ATL2: variants seen among roughly 807,000 people sequenced by gnomAD.
ATL2 encodes atlastin GTPase 2, also known as atlastin-2.
ATL2 carries 31 observed loss-of-function variants against 73.9 expected under a neutral mutation model. The ratio of observed to expected loss-of-function variants is 0.42; its 90% CI spans 0.32 to 0.57. The LOEUF is 0.57. Ranked by LOEUF, ATL2 falls within the 20% of genes least tolerant of loss-of-function variation. The probability of loss-of-function intolerance (pLI) is 0.14; values close to 1 mark genes in which losing one functional copy is unlikely to be tolerated. For synonymous variants in ATL2, 291 were observed against 237.5 expected (o/e 1.23, Z -2.07); for missense variants, 738 against 702.6 (o/e 1.05, Z -0.57).
intron 1 of ATL2, among the ~76,000 whole-genome samples, chr2:38,361,204 A>G (rs895018176): frequency 2.0e-5 from 3 of 151,834 alleles, no homozygotes; most frequent in African/African-American, 7.3e-5. Flanking sequence ...AATACAAAAA[A>G]TTAGCCAGGC....
chr2:38,297,604 A>G (rs1666964836), intron 12 of ATL2, among the ~76,000 whole-genome samples: 1 of 152,174 alleles, frequency 6.6e-6, no homozygotes, highest in Admixed American at 6.5e-5. Flanking sequence ...TTACTAATTA[A>G]TATTTCCAAA....
intron 1 of ATL2, among the ~76,000 whole-genome samples, chr2:38,365,165 A>AC (rs1491493833): frequency 1.1e-4 from 15 of 133,102 alleles, no homozygotes; most frequent in South Asian, 8.6e-4. Flanking sequence ...ACACACACAC[A>AC]AATACACACA....
intron 7 of ATL2, among the ~76,000 whole-genome samples, chr2:38,310,782 C>T (rs538253694): frequency 1.3e-5 from 2 of 151,948 alleles, no homozygotes; most frequent in Non-Finnish European, 2.9e-5. Context: ...GGATTACAGG[C>T]GTGCACCACC....
chr2:38,305,941 A>G (rs553589934), intron 9 of ATL2, among the ~76,000 whole-genome samples: 1 of 152,302 alleles, frequency 6.6e-6, no homozygotes, highest in Non-Finnish European at 1.5e-5. Flanking sequence ...AAACAATACA[A>G]AAGATCAATG....
In ATL2 at chr2:38,295,118, A is replaced by T. The variant is rs6987; in HGVS notation, c.*876T>A. ...CCACAAACATTCCTTTCACAGGGAC[A>T]GTACTTATTTAGCCTACCACAGGAC... On this transcript the variant is annotated 3_prime_UTR_variant, in exon 13 of 13. Transcript: ENST00000378954. 65,988 of 151,930 alleles carry T rather than the reference A, an allele frequency of 0.43. 15,847 individuals are homozygous for T. The highest frequency in any genetic ancestry group is 0.65 in the African/African-American group (26,979 of 41,414). The allele number at this position is 151,930 out of a possible 1,614,324, so 9.4% of individuals were successfully genotyped here.
At chr2:38,346,716 G>A (rs1573540688) in intron 1 of ATL2, among the ~76,000 whole-genome samples, 1 of 152,188 alleles carries the variant, frequency 6.6e-6, no homozygotes, top group African/African-American at 2.4e-5. Context: ...AGGAGGCGAA[G>A]CTCAGGCAGT....
intron 1 of ATL2, among the ~76,000 whole-genome samples, chr2:38,350,937 GATA>G (rs1670301488): frequency 1.3e-5 from 2 of 152,066 alleles, no homozygotes; most frequent in South Asian, 2.1e-4. Context: ...TATAAACTAA[GATA>G]ATAAAAAAGT....
At chr2:38,326,745 G>C (rs1007640333) in intron 2 of ATL2, among the ~76,000 whole-genome samples, 1 of 151,946 alleles carries the variant, frequency 6.6e-6, no homozygotes, top group Non-Finnish European at 1.5e-5. Context: ...CCCAGCACTC[G>C]GGGAGGCCGA....
chr2:38,339,571 A>T (rs2148477905), intron 2 of ATL2, among the ~76,000 whole-genome samples: 1 of 152,298 alleles, frequency 6.6e-6, no homozygotes, highest in South Asian at 2.1e-4. Context: ...GTTAAAAATG[A>T]AAAAAACACT....
At position 38,297,585 on chromosome 2, in the gene ATL2, C is replaced by T. The variant is rs935390271; in HGVS notation, c.1632+559G>A. On this transcript the variant is annotated intron_variant, in intron 12 of 12. Transcript: ENST00000378954. ...ACGGAGCATGGTTCTCTGTTCATGG[C>T]GCTTTGCTTTACTAATTAATATTTC... Among the ~76,000 whole-genome samples the T allele has an allele frequency of 5.3e-5, 8 of 152,158 alleles. No homozygotes were observed. The South Asian group carries it at 1.5e-3, about 28-fold the overall frequency.
At chr2:38,325,307 C>T (rs1032428421) in intron 2 of ATL2, among the ~76,000 whole-genome samples, 2 of 152,236 alleles carry the variant, frequency 1.3e-5, no homozygotes, top group Admixed American at 1.3e-4. Flanking sequence ...CCTGCAAAAT[C>T]ACAAGAGACA....
chr2:38,364,263 A>AAAAATAAAAT (rs371153008), intron 1 of ATL2, among the ~76,000 whole-genome samples: 3 of 151,666 alleles, frequency 2.0e-5, no homozygotes, highest in African/African-American at 7.3e-5. Context: ...CTCCATCTCA[A>AAAAATAAAAT]AAAATAAAAT....
chr2:38,377,666 C>T (rs1378968268), upstream of ATL2, among the ~76,000 whole-genome samples: 1 of 152,180 alleles, frequency 6.6e-6, no homozygotes, highest in Non-Finnish European at 1.5e-5. Context: ...ATTCGCTTTA[C>T]ATCTCTAATC....
rs1667855846 is a variant in ATL2 at position 38,313,307 on chromosome 2, A to G, written c.712-64T>C. On this transcript the variant is annotated intron_variant, in intron 6 of 12. Coordinates refer to ENST00000378954, the MANE Select transcript of ATL2 (RefSeq NM_001135673.4). ...AAAGAAAATTTACGAAAAAATCACA[A>G]CTCTTAACAATTGAAGCCTCTCTTA... The G allele has an allele frequency of 4.2e-6, 5 of 1,189,774 alleles. No homozygotes were observed. In the Admixed American group the frequency reaches 1.1e-4, roughly 26 times the overall value. The allele number at this position is 1,189,774 out of a possible 1,614,324, so 73.7% of individuals were successfully genotyped here.
chr2:38,365,888 A>G (rs755336549), intron 1 of ATL2, among the ~76,000 whole-genome samples: 1 of 152,058 alleles, frequency 6.6e-6, no homozygotes, highest in African/African-American at 2.4e-5. Context: ...CAGAGGTTGC[A>G]GTGAGCCAAG....
chr2:38,299,192 T>A (rs969245791), intron 11 of ATL2, 64 bp downstream of exon 11: 18 of 485,744 alleles, frequency 3.7e-5, no homozygotes, highest in Non-Finnish European at 4.7e-5. Flanking sequence ...ATTTTTTTAA[T>A]TTTTTTTTTT....
At chr2:38,356,077 A>C (rs7567884) in intron 1 of ATL2, among the ~76,000 whole-genome samples, 18,568 of 151,920 alleles carry the variant, frequency 0.12, 3,361 homozygotes, top group African/African-American at 0.4. Flanking sequence ...AGAATAGACA[A>C]CCCTACCCAC....
At chr2:38,370,710 G>A (rs1008462450) in intron 1 of ATL2, among the ~76,000 whole-genome samples, 2 of 152,136 alleles carry the variant, frequency 1.3e-5, no homozygotes, top group African/African-American at 4.8e-5. Flanking sequence ...AGGTTGCAGT[G>A]AGCCAAGACT....
intron 1 of ATL2, among the ~76,000 whole-genome samples, chr2:38,360,595 A>C (rs1405331935): frequency 6.6e-6 from 1 of 152,106 alleles, no homozygotes; most frequent in Non-Finnish European, 1.5e-5. Context: ...GGGGAACTCT[A>C]TAATCAACAA....
Sources: gnomAD v4.1 joint callset for allele counts (sites outside exome capture counted in the v4.1 genomes callset) on GRCh38, gnomAD v4.1.1 for gene constraint, MANE v1.5 for transcripts, NCBI Gene and HGNC (gene_info 2026-07-23, HGNC 2026-07-21) for gene names.